Variants in PLPP1 observed in about 807,000 individuals in gnomAD.
The protein encoded by PLPP1 is phospholipid phosphatase 1, also known as lipid phosphate phosphohydrolase 1a.
A neutral mutation model predicts 31.2 loss-of-function variants in PLPP1; 24 were observed. The observed-to-expected ratio is 0.77, with a 90% CI of 0.56 to 1.08. The LOEUF (loss-of-function observed/expected upper bound fraction) is 1.08, where lower values mean the gene tolerates loss of function less well. PLPP1 is among the 50% of genes least tolerant of loss of function. The pLI, the probability that PLPP1 is intolerant of heterozygous loss-of-function variation, is 0.00. For synonymous variants in PLPP1, 146 were observed against 126.3 expected (o/e 1.16, Z -1.05); for missense variants, 319 against 342.7 (o/e 0.93, Z 0.55).
At chr5:55,467,091 C>T (rs946565072) in intron 3 of PLPP1, among the ~76,000 whole-genome samples, 1 of 151,956 alleles carries the variant, frequency 6.6e-6, no homozygotes, top group Non-Finnish European at 1.5e-5. Flanking sequence ...CCAATAAGGG[C>T]GTTATAAGAC....
intron 1 of PLPP1, among the ~76,000 whole-genome samples, chr5:55,496,162 T>C (rs2111867242): frequency 6.6e-6 from 1 of 152,258 alleles, no homozygotes; most frequent in East Asian, 1.9e-4. Context: ...CTGGCCAAGA[T>C]TATTTTTAAT....
rs376947325 is a variant in PLPP1 at position 55,499,297 on chromosome 5, CAG to C, written c.59-23849_59-23848del. On this transcript the variant is annotated intron_variant, in intron 1 of 5. Transcript: ENST00000307259. ...TGTCCATATCCATCCTCCACATCCT[CAG>C]AGTTAGCAAACGAGTTAGACATCTA... Among the ~76,000 whole-genome samples, 598 of 152,310 alleles carry C rather than the reference CAG, an allele frequency of 3.9e-3. 4 individuals carry two copies. Among genetic ancestry groups the C allele is most frequent in the African/African-American group, 0.014 (570 of 41,570 alleles).
chr5:55,530,947 G>C (rs889827635), intron 1 of PLPP1, among the ~76,000 whole-genome samples: 1 of 150,986 alleles, frequency 6.6e-6, no homozygotes, highest in Admixed American at 6.6e-5. Flanking sequence ...CAGCGGCAGC[G>C]GCCGAGGTGA....
intron 3 of PLPP1, among the ~76,000 whole-genome samples, chr5:55,458,939 A>T (rs189101706): frequency 6.6e-6 from 1 of 150,602 alleles, no homozygotes; most frequent in East Asian, 1.9e-4. Context: ...TGGCAGAAAA[A>T]TCCAGCCATA....
intron 1 of PLPP1, among the ~76,000 whole-genome samples, chr5:55,511,648 G>T (rs1240727592): frequency 9.7e-6 from 1 of 102,622 alleles, no homozygotes; most frequent in Non-Finnish European, 1.9e-5. Context: ...AACACGTGTT[G>T]AGTTTTTTTT....
intron 4 of PLPP1, among the ~76,000 whole-genome samples, chr5:55,427,191 A>T (rs230747): frequency 0.86 from 130,811 of 152,134 alleles, 56,630 homozygotes; most frequent in South Asian, 0.92. Flanking sequence ...CTCGTAGACT[A>T]AATTAAATGC....
intron 3 of PLPP1, among the ~76,000 whole-genome samples, chr5:55,443,192 A>AAAAAAAAAATATATATAT: frequency 1.6e-3 from 40 of 25,422 alleles, no homozygotes; most frequent in African/African-American, 4.0e-3. Flanking sequence ...AAAAAAAAAA[A>AAAAAAAAAATATATATAT]ATATATATAT....
chr5:55,504,459 AG>A (rs1714721676), intron 1 of PLPP1, among the ~76,000 whole-genome samples: 1 of 129,148 alleles, frequency 7.7e-6, no homozygotes, highest in Non-Finnish European at 1.6e-5. Context: ...CAGGAGATGG[AG>A]GTTGCAGTGA....
chr5:55,429,560 A>G (rs1052603548), intron 4 of PLPP1, among the ~76,000 whole-genome samples: 1 of 152,070 alleles, frequency 6.6e-6, no homozygotes, highest in Non-Finnish European at 1.5e-5. Flanking sequence ...CAAACAGGGA[A>G]CTTGGGGACT....
chr5:55,472,814 A>C (rs1308570913), intron 2 of PLPP1, among the ~76,000 whole-genome samples: 3 of 152,192 alleles, frequency 2.0e-5, no homozygotes, highest in Non-Finnish European at 4.4e-5. Flanking sequence ...AAAGAATTTC[A>C]AGTTAATGAA....
At chr5:55,441,972 A>G in intron 3 of PLPP1, 64 bp from the exon 4 acceptor site, 1 of 1,480,786 alleles carries the variant, frequency 6.8e-7, no homozygotes, top group Non-Finnish European at 9.4e-7. Context: ...TGTTGATTTC[A>G]TAAATCTGCT....
chr5:55,468,557 T>C (rs1752353900), intron 2 of PLPP1, among the ~76,000 whole-genome samples: 1 of 152,130 alleles, frequency 6.6e-6, no homozygotes, highest in African/African-American at 2.4e-5. Flanking sequence ...ATCCCAGCAC[T>C]TTGGGAGCCC....
intron 1 of PLPP1, among the ~76,000 whole-genome samples, chr5:55,488,998 T>C (rs4865607): frequency 5.9e-5 from 9 of 151,846 alleles, no homozygotes; most frequent in African/African-American, 2.2e-4. Flanking sequence ...GTTCAAGACC[T>C]GCCTGGCCAA....
chr5:55,497,524 A>T (rs1310506181), intron 1 of PLPP1, among the ~76,000 whole-genome samples: 1 of 150,106 alleles, frequency 6.7e-6, no homozygotes, highest in African/African-American at 2.5e-5. Context: ...AAGTGCTGGG[A>T]TTACACATAT....
At chr5:55,533,963 G>A (rs1379342367) in intron 1 of PLPP1, among the ~76,000 whole-genome samples, 1 of 152,076 alleles carries the variant, frequency 6.6e-6, no homozygotes, top group African/African-American at 2.4e-5. Flanking sequence ...CCATGGCAAG[G>A]TCTGGGCAGA....
chr5:55,460,098 T>C (rs1752120934), intron 3 of PLPP1, among the ~76,000 whole-genome samples: 1 of 152,184 alleles, frequency 6.6e-6, no homozygotes, highest in African/African-American at 2.4e-5. Flanking sequence ...GTAGTTAAGT[T>C]ATGGGGGAGT....
intron 1 of PLPP1, among the ~76,000 whole-genome samples, chr5:55,521,041 ATC>A (rs35001288): frequency 0.061 from 9,205 of 151,872 alleles, 505 homozygotes; most frequent in African/African-American, 0.12. Context: ...GTGAGACCTC[ATC>A]TCTACCGAAA....
At chr5:55,509,910 T>C (rs986204307) in intron 1 of PLPP1, among the ~76,000 whole-genome samples, 2 of 152,202 alleles carry the variant, frequency 1.3e-5, no homozygotes, top group Admixed American at 6.5e-5. Flanking sequence ...TTTCTTTCTC[T>C]TCCCTTTTAA....
intron 1 of PLPP1, among the ~76,000 whole-genome samples, chr5:55,489,908 CT>C (rs1408347836): frequency 1.1e-4 from 17 of 152,146 alleles, no homozygotes; most frequent in Admixed American, 1.1e-3. Context: ...AAATCTTCAC[CT>C]TGCTCCTTCC....
Sources: gnomAD v4.1 joint callset for allele counts (sites outside exome capture counted in the v4.1 genomes callset) on GRCh38, gnomAD v4.1.1 for gene constraint, MANE v1.5 for transcripts, NCBI Gene and HGNC (gene_info 2026-07-23, HGNC 2026-07-21) for gene names.